Variants in GPC5 observed in about 807,000 individuals in gnomAD.
The protein encoded by GPC5 is glypican 5, also known as glypican-5.
Under a neutral mutation model 53.9 loss-of-function variants are expected in GPC5, and 47 were observed. The ratio of observed to expected loss-of-function variants is 0.87; its 90% confidence interval spans 0.69 to 1.11. The LOEUF (loss-of-function observed/expected upper bound fraction) is 1.11. Ranked by LOEUF, GPC5 falls within the 50% of genes most tolerant of loss-of-function variation. The probability of loss-of-function intolerance (pLI) is 0.00; values close to 1 mark genes in which losing one functional copy is unlikely to be tolerated. For synonymous variants in GPC5, 286 were observed against 263.3 expected (o/e 1.09, Z -0.84); for missense variants, 748 against 713.1 (o/e 1.05, Z -0.56).
intron 7 of GPC5, among the ~76,000 whole-genome samples, chr13:92,604,980 C>T (rs1281521363): frequency 6.6e-6 from 1 of 152,194 alleles, no homozygotes; most frequent in Non-Finnish European, 1.5e-5. Context: ...TATTCTGGAG[C>T]TTTCAGCAGT....
At chr13:92,291,109 G>A (rs1056578432) in intron 7 of GPC5, among the ~76,000 whole-genome samples, 1 of 152,258 alleles carries the variant, frequency 6.6e-6, no homozygotes, top group South Asian at 2.1e-4. Context: ...CCTGCAGCCC[G>A]CCATGCCTGA....
At chr13:91,443,646 C>G (rs367668542) in intron 1 of GPC5, among the ~76,000 whole-genome samples, 1 of 152,150 alleles carries the variant, frequency 6.6e-6, no homozygotes, top group Non-Finnish European at 1.5e-5. Flanking sequence ...CTTCAAGAAG[C>G]GCTGATTTCT....
chr13:92,295,798 AT>A (rs1489449073), intron 7 of GPC5, among the ~76,000 whole-genome samples: 15 of 152,080 alleles, frequency 9.9e-5, no homozygotes, highest in African/African-American at 3.4e-4. Context: ...TTTGGTGTCC[AT>A]TTGCCTGAAA....
chr13:91,923,015 GA>G (rs1173168238), intron 6 of GPC5, among the ~76,000 whole-genome samples: 1 of 152,178 alleles, frequency 6.6e-6, no homozygotes, highest in Non-Finnish European at 1.5e-5. Context: ...CGGTAAACCA[GA>G]TTTTCTATTC....
At chr13:91,674,027 G>C (rs1293379947) in intron 2 of GPC5, among the ~76,000 whole-genome samples, 5 of 152,164 alleles carry the variant, frequency 3.3e-5, no homozygotes, top group African/African-American at 1.2e-4. Flanking sequence ...ACAAGCCAGA[G>C]AACAACACTT....
intron 2 of GPC5, among the ~76,000 whole-genome samples, chr13:91,665,503 G>GTCTTTTTTTTTTTT (rs747023960): frequency 3.5e-5 from 4 of 114,930 alleles, no homozygotes; most frequent in African/African-American, 1.9e-4. Flanking sequence ...GGAAAAGCCA[G>GTCTTTTTTTTTTTT]TCTTTTTTTT....
At chr13:91,765,913 A>T (rs1423057054) in intron 5 of GPC5, among the ~76,000 whole-genome samples, 1 of 152,192 alleles carries the variant, frequency 6.6e-6, no homozygotes, top group African/African-American at 2.4e-5. Context: ...TGAGTGAGTA[A>T]TCATTGAAGC....
intron 3 of GPC5, among the ~76,000 whole-genome samples, chr13:91,705,324 A>G (rs1342022702): frequency 6.6e-6 from 1 of 152,160 alleles, no homozygotes; most frequent in Admixed American, 6.5e-5. Context: ...CCCACTTTCA[A>G]AAATTGGGGC....
chr13:92,354,575 T>G (rs555961417), intron 7 of GPC5, among the ~76,000 whole-genome samples: 1 of 152,360 alleles, frequency 6.6e-6, no homozygotes, highest in South Asian at 2.1e-4. Context: ...CTGGCGATTC[T>G]TTCTAATGGC....
rs114382394 is a variant in GPC5, at chr13:92,831,025, T to C, written c.1562-35257T>C. ...AAATGTTCTGAGAACAGTAACTTGT[T>C]TGCTCTAGGTTTAGAGCTTGATGTA... On this transcript the variant is annotated intron_variant, in intron 7 of 7. Coordinates refer to ENST00000377067, the MANE Select transcript of GPC5 (RefSeq NM_004466.6). Among the ~76,000 whole-genome samples the C allele has an allele frequency of 6.9e-3, 1,045 of 152,284 alleles. 11 individuals are homozygous for C. The highest frequency in any genetic ancestry group is 0.024 in the African/African-American group (1,000 of 41,576).
chr13:92,616,176 T>C (rs567325347), intron 7 of GPC5, among the ~76,000 whole-genome samples: 2 of 152,268 alleles, frequency 1.3e-5, no homozygotes, highest in South Asian at 2.1e-4. Context: ...CCCAGTAAAA[T>C]AGAATAATCT....
chr13:92,445,333 A>G (rs1182652113), intron 7 of GPC5, among the ~76,000 whole-genome samples: 1 of 136,678 alleles, frequency 7.3e-6, no homozygotes, highest in African/African-American at 2.8e-5. Flanking sequence ...ATTTTATTAT[A>G]CTTTAAGTTT....
intron 7 of GPC5, among the ~76,000 whole-genome samples, chr13:92,454,577 G>A (rs1878189790): frequency 6.6e-6 from 1 of 152,126 alleles, no homozygotes; most frequent in African/African-American, 2.4e-5. Context: ...CATGTACCAG[G>A]AACAAGACTA....
At chr13:91,971,379 A>G (rs1276632349) in intron 6 of GPC5, among the ~76,000 whole-genome samples, 3 of 152,010 alleles carry the variant, frequency 2.0e-5, no homozygotes, top group East Asian at 1.9e-4. Context: ...TAGTCTTGCT[A>G]GCGGTCTATC....
intron 1 of GPC5, among the ~76,000 whole-genome samples, chr13:91,444,516 G>C (rs1448678356): frequency 1.3e-5 from 2 of 152,106 alleles, no homozygotes; most frequent in Non-Finnish European, 2.9e-5. Context: ...ATTGAGACAG[G>C]CTTCAGCATA....
chr13:92,835,994 T>C (rs1159971972), intron 7 of GPC5, among the ~76,000 whole-genome samples: 2 of 152,052 alleles, frequency 1.3e-5, no homozygotes, highest in African/African-American at 2.4e-5. Flanking sequence ...TTCTCATTAA[T>C]TTCCTCTTCA....
At chr13:92,262,942 T>C (rs2042776838) in intron 7 of GPC5, among the ~76,000 whole-genome samples, 1 of 152,120 alleles carries the variant, frequency 6.6e-6, no homozygotes, top group African/African-American at 2.4e-5. Flanking sequence ...TATCCCGGTA[T>C]TACTCTCTAT....
chr13:92,279,933 GT>G (rs2042902386), intron 7 of GPC5, among the ~76,000 whole-genome samples: 2 of 152,060 alleles, frequency 1.3e-5, no homozygotes, highest in Non-Finnish European at 2.9e-5. Context: ...GTGTTGAGAA[GT>G]ATTTCCTCTA....
chr13:91,900,491 C>G (rs753895711), intron 5 of GPC5, among the ~76,000 whole-genome samples: 6 of 151,894 alleles, frequency 4.0e-5, no homozygotes, highest in Non-Finnish European at 5.9e-5. Context: ...ATTTCAAACT[C>G]GTATAGCATT....
Sources: gnomAD v4.1 joint callset for allele counts (sites outside exome capture counted in the v4.1 genomes callset) on GRCh38, gnomAD v4.1.1 for gene constraint, MANE v1.5 for transcripts, NCBI Gene and HGNC (gene_info 2026-07-23, HGNC 2026-07-21) for gene names.